DYDC1: variants seen among roughly 807,000 people sequenced by gnomAD.
The protein encoded by DYDC1 is DPY30 domain containing 1.
A neutral mutation model predicts 27.9 loss-of-function variants in DYDC1; 21 were observed. The ratio of observed to expected loss-of-function variants is 0.75; its 90% CI spans 0.53 to 1.08. The LOEUF (loss-of-function observed/expected upper bound fraction) is 1.08. DYDC1 is among the 50% of genes least tolerant of loss of function. The probability of loss-of-function intolerance (pLI) is 0.00; values close to 1 mark genes in which losing one functional copy is unlikely to be tolerated. For missense variants in DYDC1, 202 were observed against 205.9 expected, an observed-to-expected ratio of 0.98 and a Z score of 0.12; for synonymous variants, 67 against 65.8, an observed-to-expected ratio of 1.02 and a Z score of -0.09.
intron 1 of DYDC1, among the ~76,000 whole-genome samples, chr10:80,354,084 C>T (rs1843183146): frequency 3.3e-5 from 5 of 150,426 alleles, no homozygotes; most frequent in Non-Finnish European, 7.4e-5. Context: ...CCACTGCACT[C>T]CAGCCTGGGC....
At chr10:80,337,965 G>T in intron 6 of DYDC1, 1 of 507,524 alleles carries the variant, frequency 2.0e-6, no homozygotes, top group Non-Finnish European at 2.5e-6. Context: ...TCATCTAATT[G>T]TCTGTTTCTC....
chr10:80,337,997 G>T (rs1842188892), intron 6 of DYDC1: 1 of 809,450 alleles, frequency 1.2e-6, no homozygotes, highest in Non-Finnish European at 1.5e-6. Context: ...AACTCCATAA[G>T]GTCAAAGCCA....
intron 3 of DYDC1, chr10:80,344,784 T>G: frequency 3.2e-6 from 1 of 310,606 alleles, no homozygotes; most frequent in Non-Finnish European, 6.2e-6. Context: ...CCTCCCACCA[T>G]GATTCTGAGA....
In DYDC1 at chr10:80,351,998, T is replaced by C. The variant is rs1215515190; in HGVS notation, c.152A>G (p.Gln51Arg). 3 of 1,614,064 alleles carry C rather than the reference T, an allele frequency of 1.9e-6. No homozygotes were observed. Among genetic ancestry groups the C allele is most frequent in the East Asian group, 4.5e-5 (2 of 44,888 alleles). Residue 51 changes from glutamine to arginine, a missense_variant, in exon 3 of 7, where the codon CAA becomes CGA. Physicochemically the swap from Gln to Arg is conservative, Grantham distance 43 (BLOSUM62 1). Coordinates refer to ENST00000372202, the MANE Select transcript of DYDC1 (RefSeq NM_001269053.2). ...ACGCTCCAGCTTGGCCATTTCCTTT[T>C]GTCTCTAGCATTGTTTAAAAACAAC... is the stretch of plus-strand genomic sequence containing the variant. ...KENVTMEQLR[Q>R]KEMAKLERER...
intron 6 of DYDC1, 177 bp from the exon 7 acceptor site, chr10:80,336,362 A>G (rs760974441): frequency 4.6e-4 from 448 of 979,208 alleles, no homozygotes; most frequent in Non-Finnish European, 5.3e-4. Context: ...TATGTTCTCA[A>G]AGTAGTTATT....
intron 4 of DYDC1, 92 bp downstream of exon 4, chr10:80,342,177 T>A: frequency 7.9e-7 from 1 of 1,265,372 alleles, no homozygotes; most frequent in Non-Finnish European, 1.1e-6. Context: ...AGACTACAAA[T>A]CCCATGGTCC....
At chr10:80,349,961 G>A (rs1842888009) in intron 3 of DYDC1, among the ~76,000 whole-genome samples, 1 of 152,192 alleles carries the variant, frequency 6.6e-6, no homozygotes, top group Non-Finnish European at 1.5e-5. Flanking sequence ...TGACTATGAG[G>A]ACAACTGCTT....
chr10:80,350,938 G>A (rs182270010), intron 3 of DYDC1, among the ~76,000 whole-genome samples: 6 of 152,248 alleles, frequency 3.9e-5, no homozygotes, highest in Admixed American at 3.9e-4. Flanking sequence ...TCAATTAAAA[G>A]GTCTGCCTGC....
intron 5 of DYDC1, among the ~76,000 whole-genome samples, 176 bp from the exon 6 acceptor site, chr10:80,338,747 C>T (rs115479972): frequency 6.6e-6 from 1 of 152,044 alleles, no homozygotes; most frequent in South Asian, 2.1e-4. Context: ...AATTGAGTAT[C>T]CTAGAATGCA....
intron 3 of DYDC1, among the ~76,000 whole-genome samples, chr10:80,347,266 A>C (rs1428927966): frequency 1.8e-5 from 2 of 111,758 alleles, no homozygotes; most frequent in African/African-American, 7.0e-5. Flanking sequence ...CCCATTTTTT[A>C]ATTGGGATCC....
intron 3 of DYDC1, among the ~76,000 whole-genome samples, chr10:80,346,618 G>A (rs1272221548): frequency 1.3e-5 from 2 of 150,884 alleles, no homozygotes; most frequent in African/African-American, 2.4e-5. Context: ...CCGCCACCAC[G>A]CCCGGCTAAT....
At chr10:80,340,209 C>T (rs370708770) in intron 4 of DYDC1, among the ~76,000 whole-genome samples, 3 of 152,184 alleles carry the variant, frequency 2.0e-5, no homozygotes, top group African/African-American at 7.2e-5. Flanking sequence ...TCTGAAAGGC[C>T]CAGTGATACC....
At chr10:80,346,444 CTTTTTTTTTTTTTTT>C (rs1032729095) in intron 3 of DYDC1, among the ~76,000 whole-genome samples, 3 of 83,360 alleles carry the variant, frequency 3.6e-5, no homozygotes, top group African/African-American at 5.0e-5. Flanking sequence ...TCTTCCCTTT[CTTTTTTTTTTTTTTT>C]TTTTTTTTTT....
chr10:80,352,540 A>G lies in DYDC1; in HGVS notation c.62T>C (p.Val21Ala), dbSNP rs768580230. The G allele has an allele frequency of 6.2e-7, 1 of 1,613,742 alleles. No individual in the cohort carries two copies. Among genetic ancestry groups the G allele is most frequent in the South Asian group, 1.1e-5 (1 of 91,028 alleles). The change falls in exon 2 of 7, where the codon GTG (valine) becomes GCG (alanine). Residue 21 changes from valine to alanine, a missense_variant. Val to Ala is a moderately conservative substitution (Grantham distance 64). Transcript: ENST00000372202. ...CGGATCCACTGGGCGAACTCTTGCC[A>G]CTTCTGCAAGACCTTGAGTTAAACA... Reference protein sequence around the residue: ...GACLTQGLAEVARVRPVDPIE... With the variant: ...GACLTQGLAEAARVRPVDPIE...
intron 1 of DYDC1, 62 bp downstream of exon 1, chr10:80,356,650 G>C (rs555351881): frequency 2.5e-5 from 25 of 984,432 alleles, no homozygotes; most frequent in Non-Finnish European, 3.0e-5. Flanking sequence ...TCTGCCCGCC[G>C]GACCCAGCGA....
chr10:80,355,354 T>C (rs1484478385), intron 1 of DYDC1, among the ~76,000 whole-genome samples: 1 of 151,978 alleles, frequency 6.6e-6, no homozygotes, highest in Non-Finnish European at 1.5e-5. Context: ...TTTTATGCCA[T>C]AACTATGTGC....
rs753801957 is a variant in DYDC1 at position 80,338,559 on chromosome 10, C to T, written c.412G>A (p.Asp138Asn). Residue 138 changes from aspartate to asparagine, a missense_variant, in exon 6 of 7, where the codon GAC becomes AAC. Asp to Asn is a conservative substitution (Grantham distance 23). Transcript: ENST00000372202. ...DILHSEEATL[D>N]SGKTLAEISD... ...ATTTCAGCTAGTGTTTTGCCTGAGTCTAGTGTTGCTTCCTACAATCAAAAA... is the reference window on the plus strand; with the variant it reads ...ATTTCAGCTAGTGTTTTGCCTGAGTTTAGTGTTGCTTCCTACAATCAAAAA... 6.3e-7 allele frequency: 1 copy of T among 1,578,726 alleles called. No individual in the cohort carries two copies. The highest frequency in any genetic ancestry group is 1.2e-5 in the South Asian group (1 of 82,836).
intron 3 of DYDC1, among the ~76,000 whole-genome samples, chr10:80,343,575 C>T (rs932446153): frequency 3.3e-5 from 5 of 151,794 alleles, no homozygotes; most frequent in Non-Finnish European, 7.4e-5. Context: ...AGTTCAAGAC[C>T]AGCCTGGGCA....
chr10:80,346,076 G>T (rs1464391235), intron 3 of DYDC1, among the ~76,000 whole-genome samples: 1 of 152,158 alleles, frequency 6.6e-6, no homozygotes, highest in Non-Finnish European at 1.5e-5. Flanking sequence ...TCGAACTCTG[G>T]ACCTCAAGTG....
Sources: allele counts gnomAD v4.1 joint callset (sites outside exome capture counted in the v4.1 genomes callset), GRCh38; gene constraint gnomAD v4.1.1; transcripts MANE v1.5; gene names NCBI Gene and HGNC (gene_info 2026-07-23, HGNC 2026-07-21).